CTNND2: variants seen among roughly 807,000 people sequenced by gnomAD.
CTNND2 encodes the protein catenin delta-2.
In CTNND2, 22 loss-of-function variants were observed where a neutral mutation model predicts 144.4. That is an observed-to-expected ratio of 0.15 (90% CI 0.11 to 0.22). The LOEUF is 0.22. CTNND2 is among the 10% of genes least tolerant of loss of function. The pLI, the probability that CTNND2 is intolerant of heterozygous loss-of-function variation, is 1.00. For missense variants in CTNND2, 1,353 were observed against 1,618.8 expected, an observed-to-expected ratio of 0.84 and a Z score of 2.82; for synonymous variants, 751 against 695.6, an observed-to-expected ratio of 1.08 and a Z score of -1.25.
chr5:11,848,821 GAT>G (rs1794877988), intron 1 of CTNND2, among the ~76,000 whole-genome samples: 1 of 152,034 alleles, frequency 6.6e-6, no homozygotes, highest in South Asian at 2.1e-4. Context: ...TCTTGTCCAG[GAT>G]GATTCCCATG....
At position 11,373,038 on chromosome 5, in the gene CTNND2, G is replaced by A. The variant is rs182011933; in HGVS notation, c.1178-8148C>T. Among the ~76,000 whole-genome samples the A allele has an allele frequency of 2.3e-4, 35 of 152,342 alleles. No individual in the cohort carries two copies. In the East Asian group the frequency reaches 3.3e-3, roughly 14 times the overall value. On this transcript the variant is annotated intron_variant, in intron 7 of 21. Transcript: ENST00000304623. ...AGTTCAAGAGTATAGCTAGACACTG[G>A]CAATGCAGGTGCTCATCAGCTTGGG...
At chr5:11,357,534 G>A (rs1340969916) in intron 8 of CTNND2, among the ~76,000 whole-genome samples, 1 of 152,094 alleles carries the variant, frequency 6.6e-6, no homozygotes, top group East Asian at 1.9e-4. Flanking sequence ...ACTAGGGAGG[G>A]GAGGAGGATG....
chr5:11,626,754 T>A (rs143710920), intron 2 of CTNND2, among the ~76,000 whole-genome samples: 1 of 152,294 alleles, frequency 6.6e-6, no homozygotes, highest in East Asian at 1.9e-4. Context: ...TAAAATGAAA[T>A]ATTTGCTCCA....
rs1411823676 is a variant in CTNND2 at position 11,879,341 on chromosome 5, G to GTATATATATATA, written c.37+24464_37+24475dup. On this transcript the variant is annotated intron_variant, in intron 1 of 21. Coordinates refer to ENST00000304623, the MANE Select transcript of CTNND2 (RefSeq NM_001332.4). The stretch of plus-strand genomic sequence containing the variant: ...AAGTGTATTAAAAAATTAAATGTGT[G>GTATATATATATA]TATATATATATATATACATATACAC... Among the ~76,000 whole-genome samples, 33 of 109,386 alleles carry GTATATATATATA rather than the reference G, an allele frequency of 3.0e-4. 2 individuals carry two copies. The highest frequency in any genetic ancestry group is 9.5e-4 in the African/African-American group (32 of 33,584). The allele number at this position is 109,386 out of a possible 152,430, so 71.8% of individuals were successfully genotyped here.
chr5:11,163,340 C>T lies in CTNND2; in HGVS notation c.1976-3581G>A, dbSNP rs189815761. Among the ~76,000 whole-genome samples, 55 of 152,278 alleles carry T rather than the reference C, an allele frequency of 3.6e-4. No individual in the cohort carries two copies. The East Asian group carries it at 8.7e-3, about 24-fold the overall frequency. Reference sequence around the variant, plus strand: ...ATGGCAACGAACTAGGGCTTTCAGCCGAAATTTTGGAAGTGGATTTTCCAA... The same window carrying T: ...ATGGCAACGAACTAGGGCTTTCAGCTGAAATTTTGGAAGTGGATTTTCCAA... On this transcript the variant is annotated intron_variant, in intron 11 of 21. Transcript: ENST00000304623.
At chr5:11,713,413 T>C (rs937069752) in intron 2 of CTNND2, among the ~76,000 whole-genome samples, 2 of 151,742 alleles carry the variant, frequency 1.3e-5, no homozygotes, top group Non-Finnish European at 2.9e-5. Flanking sequence ...ACCCCATCTC[T>C]ACTAAAAATA....
At chr5:11,878,016 A>C (rs1280062421) in intron 1 of CTNND2, among the ~76,000 whole-genome samples, 1 of 152,146 alleles carries the variant, frequency 6.6e-6, no homozygotes. Context: ...ATAAGAAAAG[A>C]AATGTAGAAG....
At chr5:11,121,135 C>T (rs187039044) in intron 12 of CTNND2, among the ~76,000 whole-genome samples, 124 of 152,296 alleles carry the variant, frequency 8.1e-4, no homozygotes, top group African/African-American at 2.9e-3. Context: ...ATAAGCATCA[C>T]GACTTGAACA....
At chr5:11,791,718 G>C (rs79618175) in intron 1 of CTNND2, among the ~76,000 whole-genome samples, 2,211 of 152,276 alleles carry the variant, frequency 0.015, 41 homozygotes, top group African/African-American at 0.051. Flanking sequence ...CTGGGACATT[G>C]AGGCTCTTTC....
chr5:11,105,559 T>C (rs550004113), intron 14 of CTNND2, among the ~76,000 whole-genome samples: 4 of 152,212 alleles, frequency 2.6e-5, no homozygotes, highest in South Asian at 2.1e-4. Context: ...AAAGACAGTA[T>C]TGATGGTGTG....
chr5:11,251,825 A>G (rs1013609722), intron 9 of CTNND2, among the ~76,000 whole-genome samples: 2 of 152,234 alleles, frequency 1.3e-5, no homozygotes, highest in South Asian at 4.1e-4. Context: ...AAAAACTTGT[A>G]GTTTGGGAAA....
chr5:11,129,168 A>AT (rs1269592416), intron 12 of CTNND2, among the ~76,000 whole-genome samples: 4 of 21,316 alleles, frequency 1.9e-4, no homozygotes, highest in Non-Finnish European at 3.4e-4. Flanking sequence ...TATATTATAT[A>AT]TTATATATTT....
intron 9 of CTNND2, among the ~76,000 whole-genome samples, chr5:11,286,929 C>T (rs562113539): frequency 1.3e-5 from 2 of 152,314 alleles, no homozygotes; most frequent in South Asian, 2.1e-4. Flanking sequence ...TGTAAGCATC[C>T]ATCAATCAGA....
chr5:11,730,599 G>T (rs1202897965), intron 2 of CTNND2, among the ~76,000 whole-genome samples: 1 of 152,050 alleles, frequency 6.6e-6, no homozygotes, highest in African/African-American at 2.4e-5. Flanking sequence ...ACTTCCACCG[G>T]TCTTTAAAAT....
intron 2 of CTNND2, among the ~76,000 whole-genome samples, chr5:11,616,317 C>G (rs142394438): frequency 9.4e-4 from 143 of 152,262 alleles, no homozygotes; most frequent in African/African-American, 2.8e-3. Context: ...TTATTTTTCT[C>G]ATGCATTTAC....
rs951459079 is a variant in CTNND2, at chr5:11,565,033, G to C, written c.198C>G (p.Thr66=). Residue 66 remains threonine, a synonymous_variant, in exon 3 of 22, where the codon ACC becomes ACG. Coordinates refer to ENST00000304623, the MANE Select transcript of CTNND2 (RefSeq NM_001332.4). ...TCTGCCGTTCAGCCTCCAGCTCTCG[G>C]GTCAGCCTTTCAAACTGTAATTCCT... ...KEQELQFERL[T]RELEAERQIV... 2 of 1,613,790 alleles carry C rather than the reference G, an allele frequency of 1.2e-6. No individual in the cohort carries two copies. Among genetic ancestry groups the C allele is most frequent in the African/African-American group, 2.7e-5 (2 of 75,020 alleles).
At chr5:11,341,106 A>G (rs1423497) in intron 9 of CTNND2, among the ~76,000 whole-genome samples, 44,403 of 152,122 alleles carry the variant, frequency 0.29, 6,685 homozygotes, top group Middle Eastern at 0.35. Flanking sequence ...TGTTGGGCCC[A>G]GAAGTGACAG....
At chr5:11,511,081 T>G (rs537036062) in intron 3 of CTNND2, among the ~76,000 whole-genome samples, 1 of 152,244 alleles carries the variant, frequency 6.6e-6, no homozygotes, top group African/African-American at 2.4e-5. Context: ...TGTATGCTAA[T>G]GAGGCCTTGC....
chr5:11,442,939 A>C (rs1054505313), intron 3 of CTNND2, among the ~76,000 whole-genome samples: 1 of 147,472 alleles, frequency 6.8e-6, no homozygotes, highest in African/African-American at 2.5e-5. Flanking sequence ...TAATAAATAC[A>C]TATAATAATT....
Sources: gnomAD v4.1 joint callset for allele counts (sites outside exome capture counted in the v4.1 genomes callset) on GRCh38, gnomAD v4.1.1 for gene constraint, MANE v1.5 for transcripts, NCBI Gene and HGNC (gene_info 2026-07-23, HGNC 2026-07-21) for gene names.